Variants in PHLPP2 observed in about 807,000 individuals in gnomAD.
PHLPP2 encodes the protein PH domain and leucine rich repeat protein phosphatase 2.
A neutral mutation model predicts 124.9 loss-of-function variants in PHLPP2; 66 were observed. The ratio of observed to expected loss-of-function variants is 0.53; its 90% CI spans 0.43 to 0.65. The LOEUF is 0.65. Ranked by LOEUF, PHLPP2 falls within the 30% of genes least tolerant of loss-of-function variation. The pLI is 0.00. For missense variants in PHLPP2, 1,685 were observed against 1,600.4 expected, an observed-to-expected ratio of 1.05 and a Z score of -0.90; for synonymous variants, 681 against 624.7, an observed-to-expected ratio of 1.09 and a Z score of -1.34.
At chr16:71,674,206 T>A (rs769905316) in intron 9 of PHLPP2, among the ~76,000 whole-genome samples, 1 of 151,960 alleles carries the variant, frequency 6.6e-6, no homozygotes, top group South Asian at 2.1e-4. Context: ...GCCTCCCGAA[T>A]AGCTGGGATT....
intron 3 of PHLPP2, among the ~76,000 whole-genome samples, chr16:71,702,207 C>G (rs1207580211): frequency 6.6e-6 from 1 of 152,102 alleles, no homozygotes; most frequent in East Asian, 1.9e-4. Flanking sequence ...GACAGGTATA[C>G]TCATCAACGT....
At chr16:71,666,533 A>T (rs2044841640) in intron 12 of PHLPP2, among the ~76,000 whole-genome samples, 2 of 152,136 alleles carry the variant, frequency 1.3e-5, no homozygotes, top group Admixed American at 1.3e-4. Context: ...AAACAAACAA[A>T]ACAAACCCCA....
intron 3 of PHLPP2, among the ~76,000 whole-genome samples, chr16:71,700,578 T>TGCAG (rs1211115525): frequency 7.0e-6 from 1 of 142,220 alleles, no homozygotes; most frequent in Non-Finnish European, 1.5e-5. Flanking sequence ...CAGGCTTGAG[T>TGCAG]GCAGGGGCAC....
intron 2 of PHLPP2, among the ~76,000 whole-genome samples, chr16:71,705,535 G>A (rs540968500): frequency 4.7e-5 from 7 of 150,264 alleles, no homozygotes; most frequent in Non-Finnish European, 7.4e-5. Context: ...TTTTTGAGCC[G>A]AAGTCTCGCT....
At chr16:71,682,629 A>T (rs1459634756) in intron 5 of PHLPP2, among the ~76,000 whole-genome samples, 1 of 152,186 alleles carries the variant, frequency 6.6e-6, no homozygotes, top group African/African-American at 2.4e-5. Context: ...AAAGTAAATA[A>T]CCAAGCACAC....
At chr16:71,695,001 G>A (rs1290942499) in intron 3 of PHLPP2, among the ~76,000 whole-genome samples, 1 of 152,014 alleles carries the variant, frequency 6.6e-6, no homozygotes, top group East Asian at 1.9e-4. Context: ...TAGCCAGGAT[G>A]GTCTCGATCT....
At chr16:71,722,083 G>C (rs2045402037) in intron 1 of PHLPP2, among the ~76,000 whole-genome samples, 1 of 150,738 alleles carries the variant, frequency 6.6e-6, no homozygotes, top group African/African-American at 2.4e-5. Context: ...GTATTCTACT[G>C]TAATACTTCT....
Position 71,652,845 on chromosome 16 carries a change from T to A in PHLPP2, c.2762A>T (p.Glu921Val), listed in dbSNP as rs1382484341. 6.2e-7 allele frequency: 1 copy of A among 1,614,182 alleles called. No individual in the cohort carries two copies. The highest frequency in any genetic ancestry group is 1.3e-5 in the African/African-American group (1 of 75,042). Residue 921 changes from glutamate (E) to valine (V), a missense_variant, in exon 18 of 19, where the codon GAG (glutamate) becomes GTG (valine). Glu to Val is a moderately radical substitution (Grantham distance 121). Transcript: ENST00000568954. The part of the protein sequence containing the change: ...PVPLSKVFSL[E>V]QDPEEAQRVK... Reference sequence around the variant, plus strand: ...CCTTTGAGCCTCCTCTGGGTCCTGCTCCAGGCTGAAGACTTTAGAGAGGGG... The same window carrying A: ...CCTTTGAGCCTCCTCTGGGTCCTGCACCAGGCTGAAGACTTTAGAGAGGGG...
chr16:71,666,424 G>C (rs2044840791), intron 12 of PHLPP2, among the ~76,000 whole-genome samples: 1 of 152,060 alleles, frequency 6.6e-6, no homozygotes, highest in African/African-American at 2.4e-5. Context: ...GAGGAGGAAG[G>C]ATCACTTGGA....
Position 71,648,715 on chromosome 16 carries a change from G to A in PHLPP2, c.*175C>T, listed in dbSNP as rs2044670645. On this transcript the variant is annotated 3_prime_UTR_variant, in exon 19 of 19. Coordinates refer to ENST00000568954, the MANE Select transcript of PHLPP2 (RefSeq NM_015020.3). Reference sequence around the variant, plus strand: ...TGAACCCAGGGACAGAGGCTGCAGTGACCCGAGACCCCACCATTGCACTCC... The same window carrying A: ...TGAACCCAGGGACAGAGGCTGCAGTAACCCGAGACCCCACCATTGCACTCC... 1 of 593,052 alleles carries A rather than the reference G, an allele frequency of 1.7e-6. No individual in the cohort carries two copies. Among genetic ancestry groups the A allele is most frequent in the South Asian group, 2.2e-5 (1 of 45,530 alleles). 36.7% of individuals were successfully genotyped at this position (593,052 alleles called of 1,614,324 possible).
At chr16:71,652,725 C>T (rs2044705226) in intron 18 of PHLPP2, 65 bp downstream of exon 18, 2 of 1,200,912 alleles carry the variant, frequency 1.7e-6, no homozygotes, top group Admixed American at 3.4e-5. Flanking sequence ...GCCTTCATCA[C>T]CTCTACACAA....
intron 14 of PHLPP2, 142 bp from the exon 15 acceptor site, chr16:71,658,505 C>G: frequency 8.5e-7 from 1 of 1,177,648 alleles, no homozygotes; most frequent in South Asian, 1.6e-5. Flanking sequence ...TGGTCCCAAA[C>G]TGGAGCACAT....
intron 9 of PHLPP2, among the ~76,000 whole-genome samples, chr16:71,675,904 A>T (rs2145333385): frequency 6.6e-6 from 1 of 152,234 alleles, no homozygotes; most frequent in East Asian, 1.9e-4. Context: ...TATTTTTTGT[A>T]GAAATGGGGT....
In PHLPP2 at chr16:71,678,989, T is replaced by C. The variant is rs374677045; in HGVS notation, c.1038-4A>G. 9.2e-6 allele frequency: 14 copies of C among 1,523,532 alleles called. No individual in the cohort carries two copies. In the African/African-American group the frequency reaches 1.8e-4, roughly 19 times the overall value. The allele number at this position is 1,523,532 out of a possible 1,614,324, so 94.4% of individuals were successfully genotyped here. Reference sequence around the variant, plus strand: ...ATCAAGACAGAGGGTTTGAAGACTATAGGAAGAAAACAAAACAAGTCTACT... The same window carrying C: ...ATCAAGACAGAGGGTTTGAAGACTACAGGAAGAAAACAAAACAAGTCTACT... On this transcript the variant is annotated splice_polypyrimidine_tract_variant and splice_region_variant and intron_variant, in intron 7 of 18. Transcript: ENST00000568954.
In PHLPP2 at chr16:71,703,526, T is replaced by C. The variant is rs1252506968; in HGVS notation, c.285-795A>G. Among the ~76,000 whole-genome samples the C allele has an allele frequency of 2.6e-5, 4 of 151,882 alleles. No homozygotes were observed. In the East Asian group the frequency reaches 7.7e-4, roughly 29 times the overall value. The stretch of plus-strand genomic sequence containing the variant: ...TTAAAAAAAAAACAAAAGTGATGAA[T>C]GTGCATTTTGATAGAAGGGGCTATA... On this transcript the variant is annotated intron_variant, in intron 2 of 18. Coordinates refer to ENST00000568954, the MANE Select transcript of PHLPP2 (RefSeq NM_015020.3).
Position 71,724,312 on chromosome 16 carries a change from C to T in PHLPP2, c.-7+17G>A, listed in dbSNP as rs2045419649. The T allele has an allele frequency of 6.6e-6, 1 of 152,270 alleles. No homozygotes were observed. Among genetic ancestry groups the T allele is most frequent in the Non-Finnish European group, 1.5e-5 (1 of 68,050 alleles). 9.4% of individuals were successfully genotyped at this position (152,270 alleles called of 1,614,324 possible). Reference sequence around the variant, plus strand: ...CTCACCTGCCAAGCCGTTGAACGAACTGTTGAGAATACTCACCTTGGCAAG... The same window carrying T: ...CTCACCTGCCAAGCCGTTGAACGAATTGTTGAGAATACTCACCTTGGCAAG... On this transcript the variant is annotated intron_variant, in intron 1 of 18. Transcript: ENST00000568954.
At chr16:71,678,716 A>T in intron 8 of PHLPP2, 39 bp downstream of exon 8, 1 of 1,003,934 alleles carries the variant, frequency 1.0e-6, no homozygotes, top group Non-Finnish European at 1.6e-6. Context: ...GGTCCACCAG[A>T]GTCAATTTAA....
At chr16:71,696,897 C>T (rs926563806) in intron 3 of PHLPP2, among the ~76,000 whole-genome samples, 20 of 151,932 alleles carry the variant, frequency 1.3e-4, no homozygotes, top group African/African-American at 2.2e-4. Flanking sequence ...GTTCTGGCCA[C>T]GCACAGTGGC....
At chr16:71,709,301 G>C (rs1000307660) in intron 2 of PHLPP2, among the ~76,000 whole-genome samples, 1 of 151,962 alleles carries the variant, frequency 6.6e-6, no homozygotes, top group Non-Finnish European at 1.5e-5. Context: ...CAGCAAATGG[G>C]AATCAGAACT....
Sources: allele counts gnomAD v4.1 joint callset (sites outside exome capture counted in the v4.1 genomes callset), GRCh38; gene constraint gnomAD v4.1.1; transcripts MANE v1.5; gene names NCBI Gene and HGNC (gene_info 2026-07-23, HGNC 2026-07-21).